Variants in SLC35F1 observed in about 807,000 individuals in gnomAD.
The protein encoded by SLC35F1 is solute carrier family 35 member F1, also known as chromosome 6 open reading frame 169.
Under a neutral mutation model 48.7 loss-of-function variants are expected in SLC35F1, and 14 were observed. That is an observed-to-expected ratio of 0.29 (90% confidence interval 0.19 to 0.45). The LOEUF (loss-of-function observed/expected upper bound fraction) is 0.45, where lower values mean the gene tolerates loss of function less well. Ranked by LOEUF, SLC35F1 falls within the 20% of genes least tolerant of loss-of-function variation. The pLI is 1.00. For synonymous variants in SLC35F1, 190 were observed against 202.2 expected (o/e 0.94, Z 0.51); for missense variants, 404 against 500.0 (o/e 0.81, Z 1.83).
At chr6:118,032,685 T>G (rs1420700084) in intron 1 of SLC35F1, among the ~76,000 whole-genome samples, 2 of 152,238 alleles carry the variant, frequency 1.3e-5, no homozygotes, top group African/African-American at 4.8e-5. Context: ...TAGTTGGTGT[T>G]TTTAAAAGCT....
chr6:117,967,454 G>A (rs1298986997), intron 1 of SLC35F1, among the ~76,000 whole-genome samples: 1 of 152,152 alleles, frequency 6.6e-6, no homozygotes, highest in Non-Finnish European at 1.5e-5. Flanking sequence ...GAAATTGGTA[G>A]GTTATTCCTA....
rs190869654 is a variant in SLC35F1, at chr6:118,009,592, C to A, written c.173+101693C>A. Among the ~76,000 whole-genome samples, 809 of 152,250 alleles carry A rather than the reference C, an allele frequency of 5.3e-3. 4 individuals carry two copies. Among genetic ancestry groups the A allele is most frequent in the Non-Finnish European group, 6.5e-3 (441 of 68,018 alleles). Reference sequence around the variant, plus strand: ...GACAGTTTTGCCCAGGGTCACAGAGCTAATTAGAGGCAAGGCAGCAATTTG... The same window carrying A: ...GACAGTTTTGCCCAGGGTCACAGAGATAATTAGAGGCAAGGCAGCAATTTG... On this transcript the variant is annotated intron_variant, in intron 1 of 7. Transcript: ENST00000360388.
intron 1 of SLC35F1, among the ~76,000 whole-genome samples, chr6:117,947,489 G>C (rs1776309953): frequency 6.6e-6 from 1 of 152,176 alleles, no homozygotes; most frequent in African/African-American, 2.4e-5. Flanking sequence ...CTCTCTGGCT[G>C]CTGTAAAGAA....
chr6:118,143,197 A>G (rs1461032730), intron 1 of SLC35F1, among the ~76,000 whole-genome samples: 2 of 152,218 alleles, frequency 1.3e-5, no homozygotes, highest in Admixed American at 1.3e-4. Flanking sequence ...TCACCGATCC[A>G]CTTGCATACT....
At chr6:118,084,511 A>G (rs1463138028) in intron 1 of SLC35F1, among the ~76,000 whole-genome samples, 1 of 152,170 alleles carries the variant, frequency 6.6e-6, no homozygotes, top group Non-Finnish European at 1.5e-5. Context: ...AATAATTTCA[A>G]CACATTATTT....
At chr6:117,963,029 T>C (rs745454703) in intron 1 of SLC35F1, among the ~76,000 whole-genome samples, 47 of 151,978 alleles carry the variant, frequency 3.1e-4, no homozygotes, top group Non-Finnish European at 5.7e-4. Flanking sequence ...CGTAAACCCA[T>C]TGGAGGGGAG....
chr6:118,245,946 T>G (rs1185470908), intron 3 of SLC35F1, among the ~76,000 whole-genome samples: 1 of 152,164 alleles, frequency 6.6e-6, no homozygotes, highest in Admixed American at 6.5e-5. Flanking sequence ...TGTTTCTCCC[T>G]TGTCAGTTTC....
intron 1 of SLC35F1, among the ~76,000 whole-genome samples, chr6:117,964,591 A>G (rs1481725209): frequency 1.3e-5 from 2 of 152,202 alleles, no homozygotes; most frequent in Admixed American, 6.5e-5. Context: ...TTTGACTGAT[A>G]GTGACTAGTC....
chr6:118,197,810 C>G (rs1774823110), intron 2 of SLC35F1, among the ~76,000 whole-genome samples: 1 of 152,030 alleles, frequency 6.6e-6, no homozygotes, highest in Admixed American at 6.5e-5. Flanking sequence ...TTGAAAAGCT[C>G]ACTTTCTGAA....
chr6:117,968,726 A>G (rs1307867867), intron 1 of SLC35F1, among the ~76,000 whole-genome samples: 1 of 152,186 alleles, frequency 6.6e-6, no homozygotes. Flanking sequence ...AGAAACATCT[A>G]TGGTATAAAC....
chr6:118,313,242 A>G (rs963653108), intron 7 of SLC35F1, among the ~76,000 whole-genome samples: 10 of 152,230 alleles, frequency 6.6e-5, no homozygotes, highest in African/African-American at 2.4e-4. Flanking sequence ...CCCAGTAACT[A>G]CTGAAGTAAC....
At chr6:118,305,047 AATGT>A (rs1379224016) in intron 7 of SLC35F1, among the ~76,000 whole-genome samples, 99 of 68,690 alleles carry the variant, frequency 1.4e-3, no homozygotes, top group East Asian at 0.012. Flanking sequence ...AATCAACAGG[AATGT>A]GTGTGTGTGT....
intron 1 of SLC35F1, among the ~76,000 whole-genome samples, chr6:118,046,195 T>C (rs2114905979): frequency 6.6e-6 from 1 of 152,304 alleles, no homozygotes; most frequent in South Asian, 2.1e-4. Context: ...TGAATACCTT[T>C]TCATATACTA....
chr6:118,279,760 A>G (rs1775959605), intron 6 of SLC35F1, among the ~76,000 whole-genome samples: 1 of 152,178 alleles, frequency 6.6e-6, no homozygotes, highest in Non-Finnish European at 1.5e-5. Context: ...TCTGATGACT[A>G]TGTCCTGATG....
chr6:118,042,976 C>A (rs984965349), intron 1 of SLC35F1, among the ~76,000 whole-genome samples: 3 of 152,120 alleles, frequency 2.0e-5, no homozygotes, highest in Non-Finnish European at 2.9e-5. Flanking sequence ...GAAATTCCTG[C>A]AGCGCACCCC....
intron 4 of SLC35F1, among the ~76,000 whole-genome samples, chr6:118,268,004 C>T (rs539737155): frequency 1.3e-5 from 2 of 152,232 alleles, no homozygotes; most frequent in South Asian, 2.1e-4. Flanking sequence ...CTTGGAATTG[C>T]CCCTTCTTCT....
Position 118,223,204 on chromosome 6 carries a change from A to G in SLC35F1, c.350-12305A>G, listed in dbSNP as rs990280417. On this transcript the variant is annotated intron_variant, in intron 2 of 7. Coordinates refer to ENST00000360388, the MANE Select transcript of SLC35F1 (RefSeq NM_001029858.4). ...CCATGCAAACAAAAACATGATTTTT[A>G]TGGTGAATACTTTATAATAAAAAGC... Among the ~76,000 whole-genome samples, 4 of 152,242 alleles carry G rather than the reference A, an allele frequency of 2.6e-5. No homozygotes were observed. The East Asian group carries it at 5.8e-4, about 22-fold the overall frequency.
At chr6:118,270,079 G>A (rs1775831585) in intron 4 of SLC35F1, among the ~76,000 whole-genome samples, 1 of 152,118 alleles carries the variant, frequency 6.6e-6, no homozygotes, top group Admixed American at 6.5e-5. Context: ...ATTTTGCACA[G>A]GAAAAGAGAC....
intron 2 of SLC35F1, among the ~76,000 whole-genome samples, chr6:118,198,421 G>C (rs1774830064): frequency 6.6e-6 from 1 of 152,038 alleles, no homozygotes; most frequent in African/African-American, 2.4e-5. Context: ...ATTCATGAGG[G>C]GACAACAGGC....
Sources: gnomAD v4.1 joint callset for allele counts (sites outside exome capture counted in the v4.1 genomes callset) on GRCh38, gnomAD v4.1.1 for gene constraint, MANE v1.5 for transcripts, NCBI Gene and HGNC (gene_info 2026-07-23, HGNC 2026-07-21) for gene names.